ERC2: variants seen among roughly 807,000 people sequenced by gnomAD.
ERC2 encodes ERC protein 2.
In ERC2, 42 loss-of-function variants were observed where a neutral mutation model predicts 114.8. That is an observed-to-expected ratio of 0.37 (90% CI 0.29 to 0.47). The LOEUF is 0.47. Ranked by LOEUF, ERC2 falls within the 20% of genes least tolerant of loss-of-function variation. The pLI is 0.99. For synonymous variants in ERC2, 454 were observed against 425.5 expected (o/e 1.07, Z -0.82); for missense variants, 939 against 1,150.7 (o/e 0.82, Z 2.66).
chr3:56,170,762 A>AAT (rs1379856569), intron 4 of ERC2, among the ~76,000 whole-genome samples: 5 of 34,128 alleles, frequency 1.5e-4, no homozygotes, highest in Admixed American at 4.6e-4. Context: ...ACACCTGGCT[A>AAT]ATTTTTTTTT....
chr3:55,821,465 A>G (rs1383416657), intron 14 of ERC2, among the ~76,000 whole-genome samples: 2 of 152,126 alleles, frequency 1.3e-5, no homozygotes, highest in Non-Finnish European at 2.9e-5. Flanking sequence ...CTGACCAACC[A>G]CCTATATTTT....
At chr3:56,071,513 T>C (rs1281333777) in intron 7 of ERC2, among the ~76,000 whole-genome samples, 4 of 152,190 alleles carry the variant, frequency 2.6e-5, no homozygotes, top group Non-Finnish European at 5.9e-5. Context: ...TAACCAAAGT[T>C]ACATGTCTTT....
intron 14 of ERC2, among the ~76,000 whole-genome samples, chr3:55,793,023 C>A (rs1482214709): frequency 6.6e-6 from 1 of 152,096 alleles, no homozygotes; most frequent in Non-Finnish European, 1.5e-5. Context: ...GTCCAAATAG[C>A]AATATTTGTG....
At chr3:55,602,000 TC>T (rs1389063172) in intron 17 of ERC2, among the ~76,000 whole-genome samples, 5 of 152,330 alleles carry the variant, frequency 3.3e-5, no homozygotes, top group African/African-American at 1.2e-4. Context: ...AAACAGTAAG[TC>T]CTCAATAACT....
At chr3:56,054,095 C>T (rs1007305788) in intron 7 of ERC2, among the ~76,000 whole-genome samples, 1 of 152,118 alleles carries the variant, frequency 6.6e-6, no homozygotes, top group African/African-American at 2.4e-5. Context: ...AATTATTACA[C>T]CCATTTTGTT....
At chr3:55,828,911 G>A (rs1299400476) in intron 14 of ERC2, among the ~76,000 whole-genome samples, 4 of 152,292 alleles carry the variant, frequency 2.6e-5, no homozygotes, top group African/African-American at 2.4e-5. Flanking sequence ...GGCTGACGTA[G>A]GCAAATGACT....
chr3:55,669,110 T>C (rs959915619), intron 17 of ERC2, among the ~76,000 whole-genome samples: 2 of 152,222 alleles, frequency 1.3e-5, no homozygotes, highest in Non-Finnish European at 2.9e-5. Context: ...GACATTCCTT[T>C]GGCCTTGGTT....
intron 17 of ERC2, among the ~76,000 whole-genome samples, chr3:55,527,831 G>T (rs1006849043): frequency 2.0e-5 from 3 of 152,180 alleles, no homozygotes; most frequent in Admixed American, 6.5e-5. Flanking sequence ...TATTTCATGC[G>T]TGGGTTTGGG....
chr3:56,040,084 C>T (rs2149654641), intron 7 of ERC2, among the ~76,000 whole-genome samples: 1 of 151,950 alleles, frequency 6.6e-6, no homozygotes, highest in South Asian at 2.1e-4. Flanking sequence ...TTGATCTGGC[C>T]AATGATTTTT....
At chr3:55,677,733 A>C (rs750717074) in intron 17 of ERC2, among the ~76,000 whole-genome samples, 1 of 152,146 alleles carries the variant, frequency 6.6e-6, no homozygotes, top group Non-Finnish European at 1.5e-5. Flanking sequence ...TTTCTGAGTC[A>C]CTGGCCCCTC....
intron 2 of ERC2, among the ~76,000 whole-genome samples, chr3:56,311,224 C>G (rs184933574): frequency 8.9e-6 from 1 of 112,990 alleles, no homozygotes; most frequent in Non-Finnish European, 1.7e-5. Flanking sequence ...TTGGGATATC[C>G]ATCATCTTCT....
In ERC2 at chr3:55,543,856, T is replaced by C. The variant is rs184676409; in HGVS notation, c.*40-32580A>G. 1.5e-3 allele frequency among the ~76,000 whole-genome samples: 233 copies of C among 152,188 alleles called. 5 individuals carry two copies. The Middle Eastern group carries it at 0.027, about 18-fold the overall frequency. On this transcript the variant is annotated intron_variant, in intron 17 of 17. Transcript: ENST00000288221. ...GGCTGCCCTGGCCACTCTCCCACTC[T>C]CTCTCGAAGCCTTACCTCTCACCAC...
chr3:55,785,053 C>A (rs1474262198), intron 14 of ERC2, among the ~76,000 whole-genome samples: 1 of 152,142 alleles, frequency 6.6e-6, no homozygotes, highest in Middle Eastern at 3.4e-3. Context: ...GTGGAGGGCT[C>A]GGAAAGGGCA....
intron 2 of ERC2, among the ~76,000 whole-genome samples, chr3:56,408,357 G>A (rs1210470219): frequency 1.3e-5 from 2 of 152,160 alleles, no homozygotes; most frequent in Non-Finnish European, 2.9e-5. Context: ...CAAGGACACA[G>A]AGCTGAAGGT....
chr3:56,016,392 G>T (rs2073307162), intron 8 of ERC2, among the ~76,000 whole-genome samples: 1 of 150,038 alleles, frequency 6.7e-6, no homozygotes, highest in South Asian at 2.1e-4. Flanking sequence ...ACTAGCCCTA[G>T]AGTCATGGGT....
chr3:55,733,462 TCTCA>T (rs775627037), intron 15 of ERC2, among the ~76,000 whole-genome samples: 2,487 of 101,512 alleles, frequency 0.024, 27 homozygotes, highest in Non-Finnish European at 0.041. Flanking sequence ...TCTCTCTCTC[TCTCA>T]CACACACACA....
intron 17 of ERC2, among the ~76,000 whole-genome samples, chr3:55,617,657 C>T (rs2059176216): frequency 6.6e-6 from 1 of 152,212 alleles, no homozygotes; most frequent in Non-Finnish European, 1.5e-5. Context: ...AGGGATTTAA[C>T]AAGTTTATCT....
chr3:56,349,862 G>A (rs34463501), intron 2 of ERC2, among the ~76,000 whole-genome samples: 2 of 150,134 alleles, frequency 1.3e-5, no homozygotes, highest in African/African-American at 2.5e-5. Flanking sequence ...GCAGTGAGCA[G>A]AGACCACGCC....
At chr3:56,418,063 G>A (rs1300826827) in intron 2 of ERC2, among the ~76,000 whole-genome samples, 1 of 152,052 alleles carries the variant, frequency 6.6e-6, no homozygotes, top group East Asian at 1.9e-4. Context: ...AAGGCAGGAG[G>A]ATCATTTGAG....
Sources: gnomAD v4.1 joint callset for allele counts (sites outside exome capture counted in the v4.1 genomes callset) on GRCh38, gnomAD v4.1.1 for gene constraint, MANE v1.5 for transcripts, NCBI Gene and HGNC (gene_info 2026-07-23, HGNC 2026-07-21) for gene names.